GALNT12: variants seen among roughly 807,000 people sequenced by gnomAD.
The protein encoded by GALNT12 is polypeptide N-acetylgalactosaminyltransferase 12.
GALNT12 carries 45 observed loss-of-function variants against 55.5 expected under a neutral mutation model. That is an observed-to-expected ratio of 0.81 (90% CI 0.64 to 1.04). The LOEUF (loss-of-function observed/expected upper bound fraction) is 1.04. Among genes scored for constraint, GALNT12 ranks in the 50% least tolerant of loss-of-function variants. The probability of loss-of-function intolerance (pLI) is 0.00; values close to 1 mark genes in which losing one functional copy is unlikely to be tolerated. For missense variants in GALNT12, 709 were observed against 754.8 expected, an observed-to-expected ratio of 0.94 and a Z score of 0.71; for synonymous variants, 304 against 312.2, an observed-to-expected ratio of 0.97 and a Z score of 0.28.
At position 98,821,349 on chromosome 9, in the gene GALNT12, C is replaced by T. The variant is rs563943410; in HGVS notation, c.372-1907C>T. Among the ~76,000 whole-genome samples, 11 of 151,954 alleles carry T rather than the reference C, an allele frequency of 7.2e-5. No individual in the cohort carries two copies. In the East Asian group the frequency reaches 9.8e-4, roughly 14 times the overall value. ...TAATGTTGAAATTTCTGGCCAGGCG[C>T]GGTGGCTCACACCTGTAATCCCAGC... On this transcript the variant is annotated intron_variant, in intron 1 of 9. Coordinates refer to ENST00000375011, the MANE Select transcript of GALNT12 (RefSeq NM_024642.5).
chr9:98,816,389 G>GAA lies in GALNT12; in HGVS notation c.372-6853_372-6852dup, dbSNP rs11423472. Among the ~76,000 whole-genome samples the GAA allele has an allele frequency of 7.1e-3, 927 of 130,940 alleles. 9 individuals carry two copies. The highest frequency in any genetic ancestry group is 0.022 in the African/African-American group (796 of 36,148). 85.9% of individuals were successfully genotyped at this position (130,940 alleles called of 152,430 possible). On this transcript the variant is annotated intron_variant, in intron 1 of 9. Coordinates refer to ENST00000375011, the MANE Select transcript of GALNT12 (RefSeq NM_024642.5). Reference sequence around the variant, plus strand: ...TTTTAGTGGAAACACATTAAAAAAAGAAAAAAAAAAAAAAAGCAGGGCTGA... The same window carrying GAA: ...TTTTAGTGGAAACACATTAAAAAAAGAAAAAAAAAAAAAAAAAGCAGGGCTGA...
At chr9:98,819,146 A>G (rs1835679871) in intron 1 of GALNT12, among the ~76,000 whole-genome samples, 1 of 152,148 alleles carries the variant, frequency 6.6e-6, no homozygotes. Flanking sequence ...ATGTTTTATG[A>G]TGTAGTCTTG....
Position 98,807,925 on chromosome 9 carries a change from G to A in GALNT12, c.227G>A (p.Gly76Asp). 8.0e-7 allele frequency: 1 copy of A among 1,248,044 alleles called. No homozygotes were observed. The highest frequency in any genetic ancestry group is 3.2e-5 in the East Asian group (1 of 31,040). 77.3% of individuals were successfully genotyped at this position (1,248,044 alleles called of 1,614,324 possible). The stretch of plus-strand genomic sequence containing the variant: ...CCGCCGGTGCCGGCGAACGCGCTGG[G>A]CGCGCGGGGCGAGGCGGTGCGGCTG... ...PRPPVPANAL[G>D]ARGEAVRLQL... Residue 76 changes from glycine to aspartate, a missense_variant, in exon 1 of 10, where the codon GGC (glycine) becomes GAC (aspartate). Around this residue, in one of 5 missense-constraint regions of GALNT12, gnomAD observed 110 missense variants for 102.2 expected, o/e 1.08. Coordinates refer to ENST00000375011, the MANE Select transcript of GALNT12 (RefSeq NM_024642.5).
intron 1 of GALNT12, among the ~76,000 whole-genome samples, chr9:98,811,791 T>C (rs918315358): frequency 1.1e-4 from 16 of 150,912 alleles, no homozygotes; most frequent in Non-Finnish European, 1.8e-4. Context: ...CAAGCCATTC[T>C]CCTGCCTCAG....
intron 8 of GALNT12, 135 bp from the exon 9 acceptor site, chr9:98,845,842 C>T (rs1836397419): frequency 4.6e-6 from 4 of 871,026 alleles, no homozygotes; most frequent in African/African-American, 1.7e-5. Flanking sequence ...ACCCATCACA[C>T]AGGCTCGTGT....
At chr9:98,820,089 T>C (rs1369589127) in intron 1 of GALNT12, among the ~76,000 whole-genome samples, 1 of 152,216 alleles carries the variant, frequency 6.6e-6, no homozygotes, top group Non-Finnish European at 1.5e-5. Context: ...CACTTGTCTT[T>C]TTTTCCCCCC....
Position 98,821,624 on chromosome 9 carries a change from CAA to C in GALNT12, c.372-1620_372-1619del, listed in dbSNP as rs11467276. Among the ~76,000 whole-genome samples, 13 of 112,054 alleles carry C rather than the reference CAA, an allele frequency of 1.2e-4. No individual in the cohort carries two copies. The East Asian group carries it at 3.1e-3, about 26-fold the overall frequency. The allele number at this position is 112,054 out of a possible 152,430, so 73.5% of individuals were successfully genotyped here. A position where few individuals can be genotyped will look rare whatever the true frequency, so the allele number is the denominator to read the frequency against. On this transcript the variant is annotated intron_variant, in intron 1 of 9. Transcript: ENST00000375011. ...TGGGCAACAGAGCGAGACTCCATCTCAAAAAAAAAAAAAGAAAGAAATTTCTA... is the reference window on the plus strand; with the variant it reads ...TGGGCAACAGAGCGAGACTCCATCTCAAAAAAAAAAAGAAAGAAATTTCTA...
chr9:98,836,154 A>G (rs1034534156), intron 5 of GALNT12, among the ~76,000 whole-genome samples: 10 of 152,174 alleles, frequency 6.6e-5, no homozygotes, highest in African/African-American at 2.4e-4. Flanking sequence ...TTTTGTAACA[A>G]GCCTTCCTAC....
chr9:98,839,148 G>C (rs897787496), intron 6 of GALNT12, among the ~76,000 whole-genome samples: 5 of 152,158 alleles, frequency 3.3e-5, no homozygotes, highest in African/African-American at 9.7e-5. Flanking sequence ...AATATTTTAG[G>C]GGGGCACTGA....
intron 5 of GALNT12, among the ~76,000 whole-genome samples, chr9:98,835,758 C>T (rs973379066): frequency 1.5e-4 from 22 of 149,760 alleles, no homozygotes; most frequent in Non-Finnish European, 8.9e-5. Context: ...TTTTTTGAGA[C>T]GGAGTCTCGC....
intron 8 of GALNT12, 22 bp from the exon 9 acceptor site, chr9:98,845,955 A>G (rs769128117): frequency 4.3e-6 from 7 of 1,613,550 alleles, no homozygotes; most frequent in Middle Eastern, 1.6e-4. Context: ...GTTGTGTTAC[A>G]TGTTGGCTGC....
chr9:98,831,045 C>T (rs946458607), intron 3 of GALNT12, among the ~76,000 whole-genome samples: 5 of 152,106 alleles, frequency 3.3e-5, no homozygotes, highest in Admixed American at 6.5e-5. Context: ...GAAACACGGC[C>T]TGGAAGCATG....
chr9:98,828,216 C>T (rs1835906301), intron 3 of GALNT12, among the ~76,000 whole-genome samples: 1 of 152,190 alleles, frequency 6.6e-6, no homozygotes, highest in Non-Finnish European at 1.5e-5. Context: ...ACCCACTTGC[C>T]TTCCTTCCTG....
At chr9:98,841,223 T>C (rs1564261184) in intron 7 of GALNT12, among the ~76,000 whole-genome samples, 1 of 152,240 alleles carries the variant, frequency 6.6e-6, no homozygotes, top group Non-Finnish European at 1.5e-5. Flanking sequence ...GCTATTTTTT[T>C]CTTTGTGGTG....
At chr9:98,834,034 AGTTGGCCCCAT>A (rs924865505) in intron 4 of GALNT12, among the ~76,000 whole-genome samples, 3 of 152,132 alleles carry the variant, frequency 2.0e-5, no homozygotes, top group African/African-American at 7.2e-5. Context: ...TTGTCTTCTC[AGTTGGCCCCAT>A]GCTTGGAGTC....
rs770337578 is a variant in GALNT12, at chr9:98,846,070, A to G, written c.1552A>G (p.Met518Val). 3 of 1,614,226 alleles carry G rather than the reference A, an allele frequency of 1.9e-6. No homozygotes were observed. The highest frequency in any genetic ancestry group is 8.5e-7 in the Non-Finnish European group (1 of 1,180,018). ...AVEAGMDTLI[M>V]HLCEETAPEN... ...GGAAGCAGGAATGGATACCCTTATCATGCATCTCTGCGAAGAAACTGCCCC... is the reference window on the plus strand; with the variant it reads ...GGAAGCAGGAATGGATACCCTTATCGTGCATCTCTGCGAAGAAACTGCCCC... Residue 518 changes from methionine to valine, a missense_variant, in exon 9 of 10, where the codon ATG (methionine) becomes GTG (valine). Physicochemically the swap from Met to Val is conservative, Grantham distance 21. This residue lies in a region of GALNT12 where 262 missense variants were observed against 310.7 expected (regional missense o/e 0.84). Coordinates refer to ENST00000375011, the MANE Select transcript of GALNT12 (RefSeq NM_024642.5).
At chr9:98,815,302 A>G (rs1425442134) in intron 1 of GALNT12, among the ~76,000 whole-genome samples, 12 of 152,224 alleles carry the variant, frequency 7.9e-5, no homozygotes, top group Non-Finnish European at 1.2e-4. Context: ...GAGGTATCCA[A>G]TACTTTATTA....
rs1263111052 is a variant in GALNT12, at chr9:98,835,232, A to AT, written c.918-16dup. 10 of 1,530,176 alleles carry AT rather than the reference A, an allele frequency of 6.5e-6. No homozygotes were observed. The highest frequency in any genetic ancestry group is 5.4e-6 in the Non-Finnish European group (6 of 1,103,362). The allele number at this position is 1,530,176 out of a possible 1,614,324, so 94.8% of individuals were successfully genotyped here. On this transcript the variant is annotated splice_polypyrimidine_tract_variant and intron_variant, in intron 4 of 9. Coordinates refer to ENST00000375011, the MANE Select transcript of GALNT12 (RefSeq NM_024642.5). ...TTCTGCTGTCTACAGTGAAATAAGG[A>AT]TATCATACTTTTTTAGGTCTCCAAC...
chr9:98,814,708 A>T (rs1835574343), intron 1 of GALNT12, among the ~76,000 whole-genome samples: 1 of 151,882 alleles, frequency 6.6e-6, no homozygotes, highest in African/African-American at 2.4e-5. Flanking sequence ...AAAAAGGAAG[A>T]TCAAGAGGCA....
Sources: gnomAD v4.1 joint callset for allele counts (sites outside exome capture counted in the v4.1 genomes callset) on GRCh38, gnomAD v4.1.1 for gene constraint, gnomAD v4.1.1 regional missense constraint, MANE v1.5 for transcripts, NCBI Gene and HGNC (gene_info 2026-07-23, HGNC 2026-07-21) for gene names.